Variants in KIAA1549 observed in about 807,000 individuals in gnomAD.
KIAA1549 encodes the protein UPF0606 protein KIAA1549.
In KIAA1549, 70 loss-of-function variants were observed where a neutral mutation model predicts 156.4. The ratio of observed to expected loss-of-function variants is 0.45; its 90% confidence interval spans 0.37 to 0.55. KIAA1549 has a LOEUF of 0.55. Among genes scored for constraint, KIAA1549 ranks in the 20% least tolerant of loss-of-function variants. The pLI, the probability that KIAA1549 is intolerant of heterozygous loss-of-function variation, is 0.00. For synonymous variants in KIAA1549, 1,103 were observed against 1,066.4 expected (o/e 1.03, Z -0.67); for missense variants, 2,428 against 2,540.9 (o/e 0.96, Z 0.96).
At chr7:138,852,131 T>G (rs1164031590) in intron 17 of KIAA1549, 92 bp downstream of exon 17, 2 of 789,742 alleles carry the variant, frequency 2.5e-6, no homozygotes, top group Non-Finnish European at 4.2e-6. Flanking sequence ...GTTTTACATC[T>G]GCTCATATTA....
chr7:138,839,410 A>G (rs766757816), intron 19 of KIAA1549, among the ~76,000 whole-genome samples: 15 of 152,366 alleles, frequency 9.8e-5, no homozygotes, highest in Middle Eastern at 3.4e-3. Flanking sequence ...AGTCTCAAAA[A>G]GAAAACCTGT....
intron 17 of KIAA1549, among the ~76,000 whole-genome samples, chr7:138,849,719 C>T (rs142512051): frequency 1.1e-3 from 165 of 152,156 alleles, no homozygotes; most frequent in African/African-American, 3.8e-3. Context: ...CTCTTCCCAC[C>T]CTCTACCCTC....
chr7:138,912,309 C>G, intron 3 of KIAA1549, 63 bp downstream of exon 3: 2 of 1,209,806 alleles, frequency 1.7e-6, no homozygotes, highest in Non-Finnish European at 2.5e-6. Flanking sequence ...TGCCTCTAAC[C>G]TGGGGCTCTC....
At chr7:138,952,153 G>A (rs1481114398) in intron 1 of KIAA1549, among the ~76,000 whole-genome samples, 1 of 152,190 alleles carries the variant, frequency 6.6e-6, no homozygotes, top group Non-Finnish European at 1.5e-5. Context: ...CACCCACAGA[G>A]GTTCTGACTC....
chr7:138,838,091 C>CCTTGGCA lies in KIAA1549; in HGVS notation c.5667_5668insTGCCAAG (p.Glu1890CysfsTer131). The CCTTGGCA allele has an allele frequency of 6.4e-7, 1 of 1,574,066 alleles. No homozygotes were observed. Among genetic ancestry groups the CCTTGGCA allele is most frequent in the East Asian group, 2.3e-5 (1 of 43,392 alleles). ...AGGTTCCCGGAAGGAGCTGAGGGCT[C>CCTTGGCA]CCTGCCTGAAGTCCTTGGCACCTGA... On this transcript the variant is annotated frameshift_variant, in exon 20 of 20. Coordinates refer to ENST00000422774, the MANE Select transcript of KIAA1549 (RefSeq NM_001164665.2). LOFTEE classifies it high-confidence loss of function.
At position 138,918,378 on chromosome 7, in the gene KIAA1549, T is replaced by TTC; in HGVS notation, c.1247_1248insGA (p.Pro417AsnfsTer38). 6.2e-7 allele frequency: 1 copy of TTC among 1,613,848 alleles called. No individual in the cohort carries two copies. Among genetic ancestry groups the TTC allele is most frequent in the South Asian group, 1.1e-5 (1 of 91,076 alleles). ...TGCAGGCCGCACACCAAGTGTATGG[T>TTC]CTGAATGAGGACACCGGGCTCAGGA... On this transcript the variant is annotated frameshift_variant, in exon 2 of 20. Transcript: ENST00000422774. LOFTEE classifies it high-confidence loss of function. The surrounding 1 kb of genome is among the most constrained non-coding windows in gnomAD (Gnocchi z 4.2).
intron 1 of KIAA1549, among the ~76,000 whole-genome samples, chr7:138,972,586 G>A (rs1814251865): frequency 6.6e-6 from 1 of 151,926 alleles, no homozygotes; most frequent in African/African-American, 2.4e-5. Context: ...GGAACGTCAA[G>A]TGCTAGAGGA....
chr7:138,951,993 G>C (rs1387447027), intron 1 of KIAA1549, among the ~76,000 whole-genome samples: 1 of 152,182 alleles, frequency 6.6e-6, no homozygotes, highest in Non-Finnish European at 1.5e-5. Context: ...CATGAATGCT[G>C]GGTTAACCAA....
At chr7:138,857,518 A>G (rs1810428710) in intron 16 of KIAA1549, among the ~76,000 whole-genome samples, 1 of 152,222 alleles carries the variant, frequency 6.6e-6, no homozygotes, top group Admixed American at 6.5e-5. Flanking sequence ...AGAGACTGCC[A>G]AACTGTTTTT....
chr7:138,932,657 C>T (rs1324147389), intron 1 of KIAA1549, among the ~76,000 whole-genome samples: 1 of 152,176 alleles, frequency 6.6e-6, no homozygotes, highest in South Asian at 2.1e-4. Context: ...TAGAGTTGAA[C>T]TTGAGATGAC....
At chr7:138,868,947 A>G (rs1413628297) in intron 14 of KIAA1549, among the ~76,000 whole-genome samples, 2 of 152,330 alleles carry the variant, frequency 1.3e-5, no homozygotes, top group East Asian at 1.9e-4. Flanking sequence ...CCTGGCAGGC[A>G]ATAAGAGCCA....
chr7:138,892,776 A>T (rs1811578587), intron 10 of KIAA1549, among the ~76,000 whole-genome samples: 1 of 152,228 alleles, frequency 6.6e-6, no homozygotes, highest in Admixed American at 6.5e-5. Context: ...TCCATTCGAC[A>T]GGTCTAGGTT....
At chr7:138,869,296 G>A (rs918855316) in intron 14 of KIAA1549, among the ~76,000 whole-genome samples, 1 of 152,248 alleles carries the variant, frequency 6.6e-6, no homozygotes, top group Non-Finnish European at 1.5e-5. Flanking sequence ...GGGCAGAGTT[G>A]AGAACAAAGC....
rs1814530574 is a variant in KIAA1549, at chr7:138,981,054, CGCGTTCCGAGGGTCTCGGCG to C, written c.187+9_187+28del. The C allele has an allele frequency of 1.4e-5, 17 of 1,222,360 alleles. No homozygotes were observed. The East Asian group carries it at 5.5e-4, about 39-fold the overall frequency. The allele number at this position is 1,222,360 out of a possible 1,614,324, so 75.7% of individuals were successfully genotyped here. A position where few individuals can be genotyped will look rare whatever the true frequency, so the allele number is the denominator to read the frequency against. On this transcript the variant is annotated intron_variant, in intron 1 of 19. Transcript: ENST00000422774. This position sits in a 1 kb window ranked among gnomAD's most constrained non-coding sequence, Gnocchi z 4.5. ...CGATAAAGGCAGGCGGGGTCGCGGC[CGCGTTCCGAGGGTCTCGGCG>C]GAGCTTACCTGGGGCGCACGAGGCC...
chr7:138,912,260 G>A, intron 3 of KIAA1549, 112 bp downstream of exon 3: 1 of 771,248 alleles, frequency 1.3e-6, no homozygotes, highest in Non-Finnish European at 2.3e-6. Context: ...AGACAAGAGG[G>A]AAGAGATGAA....
rs1352932900 is a variant in KIAA1549, at chr7:138,881,478, G to A, written c.4139C>T (p.Pro1380Leu). The change falls in exon 11 of 20, where the codon CCT becomes CTT. Residue 1380 changes from proline to leucine, a missense_variant. By Grantham distance (98) the Pro-to-Leu change is moderately conservative. Coordinates refer to ENST00000422774, the MANE Select transcript of KIAA1549 (RefSeq NM_001164665.2). ...IIHEPAPLPG[P>L]LKDHTTPSEN... ...CGAGGGCGTGGTGTGGTCCTTCAGA[G>A]GTCCTGGCAGTGGCGCTGGCTCATG... is the stretch of plus-strand genomic sequence containing the variant. 1 of 1,614,044 alleles carries A rather than the reference G, an allele frequency of 6.2e-7. No individual in the cohort carries two copies. Among genetic ancestry groups the A allele is most frequent in the Non-Finnish European group, 8.5e-7 (1 of 1,179,900 alleles).
chr7:138,957,491 T>C (rs1207260967), intron 1 of KIAA1549, among the ~76,000 whole-genome samples: 1 of 142,372 alleles, frequency 7.0e-6, no homozygotes, highest in Non-Finnish European at 1.5e-5. Flanking sequence ...CCTCTTCTTC[T>C]TTTTGAGATG....
chr7:138,873,631 C>A (rs140536974), intron 12 of KIAA1549, among the ~76,000 whole-genome samples: 31 of 149,728 alleles, frequency 2.1e-4, no homozygotes, highest in African/African-American at 7.6e-4. Flanking sequence ...CCCCTCCCTA[C>A]TGGGCTGTCA....
intron 1 of KIAA1549, among the ~76,000 whole-genome samples, chr7:138,920,451 G>A (rs1430572467): frequency 6.7e-6 from 1 of 149,952 alleles, no homozygotes; most frequent in Non-Finnish European, 1.5e-5. Context: ...GAGCTCAATT[G>A]ACATCACTTG....
Sources: gnomAD v4.1 joint callset for allele counts (sites outside exome capture counted in the v4.1 genomes callset) on GRCh38, gnomAD v4.1.1 for gene constraint, Gnocchi (gnomAD v3.1) non-coding constraint, MANE v1.5 for transcripts, NCBI Gene and HGNC (gene_info 2026-07-23, HGNC 2026-07-21) for gene names.